The following TLE4 variants were observed in gnomAD, a reference collection of about 807,000 sequenced individuals.
The protein encoded by TLE4 is TLE family member 4, transcriptional corepressor, also known as transducin-like enhancer protein 4.
A neutral mutation model predicts 92.8 loss-of-function variants in TLE4; 8 were observed. The observed-to-expected ratio is 0.09, with a 90% CI of 0.05 to 0.16. The LOEUF is 0.16. TLE4 is among the 10% of genes least tolerant of loss of function. The pLI is 1.00. For synonymous variants in TLE4, 371 were observed against 374.1 expected, an observed-to-expected ratio of 0.99 and a Z score of 0.10; for missense variants, 675 against 997.6, an observed-to-expected ratio of 0.68 and a Z score of 4.36.
At chr9:79,707,593 G>C (rs575957797) in intron 11 of TLE4, among the ~76,000 whole-genome samples, 1 of 152,176 alleles carries the variant, frequency 6.6e-6, no homozygotes, top group Admixed American at 6.5e-5. Flanking sequence ...TGCAAATTAG[G>C]GGGGATAAGT....
chr9:79,628,641 A>G (rs1435735330), intron 6 of TLE4, among the ~76,000 whole-genome samples: 1 of 152,120 alleles, frequency 6.6e-6, no homozygotes, highest in Non-Finnish European at 1.5e-5. Flanking sequence ...TAATGAATGG[A>G]AAAGAGTGAC....
chr9:79,649,900 TG>T (rs771814766), intron 6 of TLE4: 8 of 1,341,836 alleles, frequency 6.0e-6, no homozygotes, highest in Admixed American at 2.2e-5. Flanking sequence ...TTGTTGTTGT[TG>T]TTTTTTTGTT....
At position 79,718,991 on chromosome 9, in the gene TLE4, C is replaced by G. The variant is rs776244304; in HGVS notation, c.1590+20C>G. On this transcript the variant is annotated intron_variant, in intron 15 of 19. Coordinates refer to ENST00000376552, the MANE Select transcript of TLE4 (RefSeq NM_007005.6). ...TGTCTGGTGAGTGAACATGGATGAA[C>G]AAGACTTAGACTTTCATTCAGAAAA... 20 of 1,595,294 alleles carry G rather than the reference C, an allele frequency of 1.3e-5. No homozygotes were observed. The highest frequency in any genetic ancestry group is 1.7e-5 in the Non-Finnish European group (20 of 1,167,182).
chr9:79,717,919 G>A (rs762949846), intron 14 of TLE4: 2 of 454,772 alleles, frequency 4.4e-6, no homozygotes, highest in African/African-American at 4.0e-5. Flanking sequence ...AGCCTCACTC[G>A]TCCCTTCCTG....
chr9:79,703,885 C>G (rs1013410663), intron 8 of TLE4, among the ~76,000 whole-genome samples: 22 of 152,304 alleles, frequency 1.4e-4, no homozygotes, highest in African/African-American at 4.8e-4. Context: ...CTATATGTCA[C>G]ATGACTGCCA....
At chr9:79,696,319 CTG>C (rs1421200156) in intron 8 of TLE4, among the ~76,000 whole-genome samples, 4 of 152,110 alleles carry the variant, frequency 2.6e-5, no homozygotes, top group Non-Finnish European at 5.9e-5. Context: ...CATTATATTT[CTG>C]TCTGTCAGCG....
intron 8 of TLE4, among the ~76,000 whole-genome samples, chr9:79,700,555 T>C (rs1302479288): frequency 6.6e-6 from 1 of 152,190 alleles, no homozygotes; most frequent in African/African-American, 2.4e-5. Flanking sequence ...ATAGTGAAAT[T>C]AGAACCTGAT....
chr9:79,694,090 G>C (rs2067672090), intron 8 of TLE4, among the ~76,000 whole-genome samples: 1 of 152,182 alleles, frequency 6.6e-6, no homozygotes, highest in Non-Finnish European at 1.5e-5. Context: ...ACAGAGTATT[G>C]ACAGAGGTAT....
intron 4 of TLE4, among the ~76,000 whole-genome samples, chr9:79,587,272 T>C (rs1453552769): frequency 1.2e-4 from 19 of 152,356 alleles, no homozygotes; most frequent in East Asian, 5.8e-4. Context: ...TCTTCGTTTC[T>C]GAGTGCTTAG....
At chr9:79,644,288 T>C (rs1243469555) in intron 6 of TLE4, among the ~76,000 whole-genome samples, 1 of 152,096 alleles carries the variant, frequency 6.6e-6, no homozygotes, top group Admixed American at 6.6e-5. Context: ...ATTTTAAGCT[T>C]CCTGAGGCCT....
At chr9:79,636,306 C>T (rs2055816895) in intron 6 of TLE4, among the ~76,000 whole-genome samples, 2 of 152,114 alleles carry the variant, frequency 1.3e-5, no homozygotes, top group South Asian at 4.1e-4. Context: ...ATTTAAAAAA[C>T]AAGCAAATGA....
intron 8 of TLE4, chr9:79,663,407 T>C (rs1489815319): frequency 6.6e-6 from 1 of 152,220 alleles, no homozygotes; most frequent in East Asian, 1.9e-4. Context: ...TATCGAGTCC[T>C]TAGTAGCCAC....
At chr9:79,662,033 CTGTT>C (rs1364405832) in intron 8 of TLE4, among the ~76,000 whole-genome samples, 5 of 152,182 alleles carry the variant, frequency 3.3e-5, no homozygotes, top group African/African-American at 1.2e-4. Context: ...TTCCTTCACA[CTGTT>C]TAATATTCCA....
chr9:79,708,100 G>A lies in TLE4; in HGVS notation c.937-18G>A. 1.2e-6 allele frequency: 2 copies of A among 1,612,500 alleles called. No individual in the cohort carries two copies. Among genetic ancestry groups the A allele is most frequent in the African/African-American group, 2.7e-5 (2 of 74,864 alleles). ...AACCATGTTCTAATTGCTGGTATAT[G>A]TCATTTCATCTTGTTAGAATGAAAA... is the stretch of plus-strand genomic sequence containing the variant. On this transcript the variant is annotated intron_variant, in intron 11 of 19. Transcript: ENST00000376552.
intron 6 of TLE4, among the ~76,000 whole-genome samples, chr9:79,628,025 A>G (rs1042688889): frequency 2.0e-5 from 3 of 152,064 alleles, no homozygotes; most frequent in South Asian, 2.1e-4. Flanking sequence ...TTGCATAGAA[A>G]TTGTGCTGGA....
intron 6 of TLE4, among the ~76,000 whole-genome samples, chr9:79,646,065 T>C (rs907666354): frequency 6.6e-6 from 1 of 151,768 alleles, no homozygotes; most frequent in Non-Finnish European, 1.5e-5. Context: ...GTTTTTCTTC[T>C]AAAGCCTATA....
Position 79,598,713 on chromosome 9 carries a change from A to T in TLE4, c.253-13943A>T, listed in dbSNP as rs116986284. On this transcript the variant is annotated intron_variant, in intron 4 of 19. Transcript: ENST00000376552. ...TTATGAAATTAATATGGCTCACATT[A>T]CTCTCTCCCCAAAGCCAGAAGGGTT... 4.8e-3 allele frequency among the ~76,000 whole-genome samples: 726 copies of T among 151,300 alleles called. 3 individuals carry two copies. The highest frequency in any genetic ancestry group is 0.01 in the Middle Eastern group (3 of 294).
chr9:79,707,275 A>G lies in TLE4; in HGVS notation c.936+376A>G, dbSNP rs191934556. On this transcript the variant is annotated intron_variant, in intron 11 of 19. Transcript: ENST00000376552. ...TGTTGCTAGCTTTGTTTGAATTACCAAGCTACATATGACGGCAATAATTTT... is the reference window on the plus strand; with the variant it reads ...TGTTGCTAGCTTTGTTTGAATTACCGAGCTACATATGACGGCAATAATTTT... The G allele has an allele frequency of 1.1e-5, 16 of 1,402,674 alleles. No individual in the cohort carries two copies. The African/African-American group carries it at 1.8e-4, about 16-fold the overall frequency. 86.9% of individuals were successfully genotyped at this position (1,402,674 alleles called of 1,614,324 possible).
intron 8 of TLE4, among the ~76,000 whole-genome samples, chr9:79,673,501 AT>A (rs1205681825): frequency 6.6e-6 from 1 of 152,078 alleles, no homozygotes; most frequent in Non-Finnish European, 1.5e-5. Context: ...AAAAATGTTT[AT>A]TTACCTTTGG....
Sources: allele counts gnomAD v4.1 joint callset (sites outside exome capture counted in the v4.1 genomes callset), GRCh38; gene constraint gnomAD v4.1.1; transcripts MANE v1.5; gene names NCBI Gene and HGNC (gene_info 2026-07-23, HGNC 2026-07-21).